The following GPR39 variants were observed in gnomAD, a reference collection of about 807,000 sequenced individuals.
The protein encoded by GPR39 is G protein-coupled receptor 39.
Under a neutral mutation model 18.4 loss-of-function variants are expected in GPR39, and 23 were observed. That is an observed-to-expected ratio of 1.25 (90% CI 0.90 to 1.77). The LOEUF (loss-of-function observed/expected upper bound fraction) is 1.77. GPR39 is among the 40% of genes most tolerant of loss of function. The pLI is 0.00. For missense variants in GPR39, 647 were observed against 602.4 expected (o/e 1.07, Z -0.78); for synonymous variants, 280 against 257.9 (o/e 1.09, Z -0.82).
chr2:132,555,708 A>T (rs1279801070), intron 1 of GPR39, among the ~76,000 whole-genome samples: 3 of 152,112 alleles, frequency 2.0e-5, no homozygotes. Context: ...GATTAAATAA[A>T]GGCGTGAATA....
intron 1 of GPR39, among the ~76,000 whole-genome samples, chr2:132,562,759 A>G (rs1029085808): frequency 5.3e-5 from 8 of 152,174 alleles, no homozygotes; most frequent in African/African-American, 1.9e-4. Flanking sequence ...CACAGTATGC[A>G]CTCATGTAGC....
At chr2:132,468,723 A>G (rs1193347020) in intron 1 of GPR39, among the ~76,000 whole-genome samples, 2 of 152,198 alleles carry the variant, frequency 1.3e-5, no homozygotes, top group Non-Finnish European at 2.9e-5. Context: ...AGGTGGTTAC[A>G]GATGGAAGGT....
At chr2:132,525,167 T>TC (rs1196185400) in intron 1 of GPR39, among the ~76,000 whole-genome samples, 1 of 151,942 alleles carries the variant, frequency 6.6e-6, no homozygotes, top group African/African-American at 2.4e-5. Flanking sequence ...TCTCTTAAAC[T>TC]CCCCCAGCCC....
chr2:132,493,113 T>C (rs1399308087), intron 1 of GPR39, among the ~76,000 whole-genome samples: 1 of 143,278 alleles, frequency 7.0e-6, no homozygotes, highest in African/African-American at 2.6e-5. Flanking sequence ...ATATACCATA[T>C]ATACACATTC....
chr2:132,511,240 T>C (rs1679235699), intron 1 of GPR39, among the ~76,000 whole-genome samples: 1 of 152,200 alleles, frequency 6.6e-6, no homozygotes, highest in South Asian at 2.1e-4. Flanking sequence ...AAACCTGATA[T>C]TTTATAACAC....
intron 1 of GPR39, among the ~76,000 whole-genome samples, chr2:132,485,754 T>G (rs1247175763): frequency 6.6e-6 from 1 of 152,242 alleles, no homozygotes; most frequent in East Asian, 1.9e-4. Context: ...CCACCATATA[T>G]GCTATTATTT....
At position 132,445,026 on chromosome 2, in the gene GPR39, C is replaced by T. The variant is rs185268984; in HGVS notation, c.856+27128C>T. On this transcript the variant is annotated intron_variant, in intron 1 of 1. Transcript: ENST00000329321. ...TATCAAATGGCTTCAGCTCCCCTAC[C>T]GCCCATCCATTCCCTTTATTTAAAT... is the stretch of plus-strand genomic sequence containing the variant. 3.9e-4 allele frequency among the ~76,000 whole-genome samples: 59 copies of T among 152,188 alleles called. No homozygotes were observed. The East Asian group carries it at 8.9e-3, about 23-fold the overall frequency.
intron 1 of GPR39, among the ~76,000 whole-genome samples, chr2:132,460,626 A>G (rs1308280716): frequency 6.6e-6 from 1 of 152,238 alleles, no homozygotes; most frequent in Non-Finnish European, 1.5e-5. Flanking sequence ...TAAAAAAGAA[A>G]AAAAGGTGGC....
intron 1 of GPR39, among the ~76,000 whole-genome samples, chr2:132,498,189 CCCAA>C (rs1681684522): frequency 6.6e-6 from 1 of 152,108 alleles, no homozygotes; most frequent in Non-Finnish European, 1.5e-5. Context: ...GCACTCATCA[CCCAA>C]CCAGTGTACA....
chr2:132,488,804 C>A (rs1220033286), intron 1 of GPR39: 2 of 173,038 alleles, frequency 1.2e-5, no homozygotes, highest in East Asian at 2.5e-4. Context: ...ATCCACATCC[C>A]GCCTCACTGG....
intron 1 of GPR39, among the ~76,000 whole-genome samples, chr2:132,615,808 C>A (rs1267738695): frequency 2.0e-5 from 3 of 152,106 alleles, no homozygotes; most frequent in Non-Finnish European, 4.4e-5. Context: ...AAGCTAGGTA[C>A]CTGGGATGCA....
intron 1 of GPR39, among the ~76,000 whole-genome samples, chr2:132,522,077 T>C (rs574109789): frequency 6.6e-6 from 1 of 152,318 alleles, no homozygotes; most frequent in East Asian, 1.9e-4. Flanking sequence ...GCTCTTCTAC[T>C]TCTAGATCCT....
At chr2:132,518,117 T>A (rs993636965) in intron 1 of GPR39, among the ~76,000 whole-genome samples, 5 of 152,242 alleles carry the variant, frequency 3.3e-5, no homozygotes, top group African/African-American at 1.2e-4. Flanking sequence ...ACTTGGTCAA[T>A]GTCTTTACTG....
At chr2:132,494,154 C>A (rs1681593143) in intron 1 of GPR39, among the ~76,000 whole-genome samples, 1 of 152,070 alleles carries the variant, frequency 6.6e-6, no homozygotes, top group Admixed American at 6.5e-5. Flanking sequence ...AGACAAGATA[C>A]AGGTTTCTCA....
Position 132,417,038 on chromosome 2 carries a change from T to G in GPR39, c.-5T>G, listed in dbSNP as rs767732165. The G allele has an allele frequency of 6.2e-7, 1 of 1,611,768 alleles. No individual in the cohort carries two copies. Among genetic ancestry groups the G allele is most frequent in the East Asian group, 2.2e-5 (1 of 44,822 alleles). On this transcript the variant is annotated 5_prime_UTR_variant, in exon 1 of 2. Transcript: ENST00000329321. ...TTTGGACCTGGTAGCCTGGTGCTCT[T>G]TCTCATGGCTTCACCCAGCCTCCCG...
chr2:132,596,512 C>T (rs899357406), intron 1 of GPR39, among the ~76,000 whole-genome samples: 1 of 152,144 alleles, frequency 6.6e-6, no homozygotes, highest in Non-Finnish European at 1.5e-5. Context: ...CCTGCATGCT[C>T]TTCATCAGTC....
At chr2:132,580,683 G>T (rs1485867604) in intron 1 of GPR39, among the ~76,000 whole-genome samples, 1 of 152,110 alleles carries the variant, frequency 6.6e-6, no homozygotes, top group East Asian at 1.9e-4. Flanking sequence ...TTAACTACAG[G>T]CTGGGCATGG....
intron 1 of GPR39, among the ~76,000 whole-genome samples, chr2:132,482,391 A>G (rs1052598702): frequency 6.6e-6 from 1 of 152,116 alleles, no homozygotes; most frequent in African/African-American, 2.4e-5. Context: ...CCCCAAATCC[A>G]GAATTGTTCA....
intron 1 of GPR39, among the ~76,000 whole-genome samples, chr2:132,561,401 C>G (rs1430371527): frequency 3.3e-5 from 5 of 152,178 alleles, no homozygotes; most frequent in African/African-American, 1.2e-4. Flanking sequence ...CTCCTGCCCC[C>G]CATTAACTGC....
Sources: allele counts gnomAD v4.1 joint callset (sites outside exome capture counted in the v4.1 genomes callset), GRCh38; gene constraint gnomAD v4.1.1; transcripts MANE v1.5; gene names NCBI Gene and HGNC (gene_info 2026-07-23, HGNC 2026-07-21).